The following RBFOX3 variants were observed in gnomAD, a reference collection of about 807,000 sequenced individuals.
RBFOX3 encodes RNA binding protein fox-1 homolog 3.
A neutral mutation model predicts 48.7 loss-of-function variants in RBFOX3; 17 were observed. That is an observed-to-expected ratio of 0.35 (90% CI 0.24 to 0.52). The LOEUF is 0.52. Ranked by LOEUF, RBFOX3 falls within the 20% of genes least tolerant of loss-of-function variation. The pLI is 0.94. For synonymous variants in RBFOX3, 212 were observed against 209.5 expected, an observed-to-expected ratio of 1.01 and a Z score of -0.10; for missense variants, 382 against 497.5, an observed-to-expected ratio of 0.77 and a Z score of 2.21.
chr17:79,133,686 C>T (rs1460723763), intron 4 of RBFOX3, among the ~76,000 whole-genome samples: 1 of 152,162 alleles, frequency 6.6e-6, no homozygotes, highest in Admixed American at 6.5e-5. Flanking sequence ...GGTGAGTACA[C>T]GCAGCATCCG....
chr17:79,200,457 C>G (rs1475982284), intron 4 of RBFOX3, among the ~76,000 whole-genome samples: 1 of 152,242 alleles, frequency 6.6e-6, no homozygotes, highest in African/African-American at 2.4e-5. Flanking sequence ...ACCAGCCCCA[C>G]AGACAGAGTC....
intron 3 of RBFOX3, among the ~76,000 whole-genome samples, chr17:79,236,281 A>G (rs549053471): frequency 1.4e-4 from 21 of 152,126 alleles, no homozygotes; most frequent in African/African-American, 4.8e-4. Context: ...TGGTCATGGC[A>G]TGCACATTCA....
rs568413975 is a variant in RBFOX3 at position 79,179,514 on chromosome 17, A to T, written c.-34+56252T>A. On this transcript the variant is annotated intron_variant, in intron 4 of 14. Transcript: ENST00000693108. The stretch of plus-strand genomic sequence containing the variant: ...GAAGACCCTGGGTCCTCTCAGGGCC[A>T]GTCCCTCTCCCCCGGCCAGCCCCCT... Among the ~76,000 whole-genome samples the T allele has an allele frequency of 1.9e-4, 29 of 152,200 alleles. 1 individual carries two copies. In the South Asian group the frequency reaches 5.8e-3, roughly 31 times the overall value.
rs35351556 is a variant in RBFOX3 at position 79,399,480 on chromosome 17, GT to G, written c.-175+82973del. On this transcript the variant is annotated intron_variant, in intron 2 of 14. Coordinates refer to ENST00000693108, the MANE Select transcript of RBFOX3 (RefSeq NM_001350451.2). ...AGGTTCCATGTGGAGGGCAGGGATG[GT>G]TTTTTTTTGCCATCTTTTCAAGACA... is the stretch of plus-strand genomic sequence containing the variant. 4.6e-5 allele frequency among the ~76,000 whole-genome samples: 7 copies of G among 151,098 alleles called. No homozygotes were observed. In the South Asian group the frequency reaches 6.3e-4, roughly 14 times the overall value.
rs965362861 is a variant in RBFOX3 at position 79,577,325 on chromosome 17, C to T, written c.-320+33501G>A. ...CACTGAGGGAGTCAGGCACCATGAA[C>T]GGGGCAAATGGCACCCTCCATGGGG... is the stretch of plus-strand genomic sequence containing the variant. On this transcript the variant is annotated intron_variant, in intron 1 of 14. Coordinates refer to ENST00000693108, the MANE Select transcript of RBFOX3 (RefSeq NM_001350451.2). Among the ~76,000 whole-genome samples, 32 of 152,226 alleles carry T rather than the reference C, an allele frequency of 2.1e-4. No individual in the cohort carries two copies. The South Asian group carries it at 3.3e-3, about 16-fold the overall frequency.
intron 1 of RBFOX3, among the ~76,000 whole-genome samples, chr17:79,498,093 G>A (rs1400594578): frequency 6.6e-6 from 1 of 152,204 alleles, no homozygotes; most frequent in Non-Finnish European, 1.5e-5. Flanking sequence ...TCTGACCACC[G>A]CTTGCCCTGC....
chr17:79,120,365 G>A (rs1049156531), intron 4 of RBFOX3, among the ~76,000 whole-genome samples: 1 of 152,104 alleles, frequency 6.6e-6, no homozygotes, highest in African/African-American at 2.4e-5. Context: ...GTGGGTGGAT[G>A]GAAGGATAAA....
intron 4 of RBFOX3, among the ~76,000 whole-genome samples, chr17:79,128,108 C>T (rs1257388535): frequency 1.3e-5 from 2 of 152,236 alleles, no homozygotes; most frequent in Non-Finnish European, 2.9e-5. Flanking sequence ...AGACTCCTGG[C>T]GGAAGCCCTC....
chr17:79,200,162 C>CAAAAA (rs3046721), intron 4 of RBFOX3, among the ~76,000 whole-genome samples: 39,370 of 110,362 alleles, frequency 0.36, 8,047 homozygotes, highest in Non-Finnish European at 0.49. Flanking sequence ...GACTCCGTCT[C>CAAAAA]AAAAAAAAAA....
In RBFOX3 at chr17:79,473,881, G is replaced by C. The variant is rs1471059713; in HGVS notation, c.-175+8573C>G. On this transcript the variant is annotated intron_variant, in intron 2 of 14. Coordinates refer to ENST00000693108, the MANE Select transcript of RBFOX3 (RefSeq NM_001350451.2). The surrounding 1 kb of genome is among the most constrained non-coding windows in gnomAD (Gnocchi z 4.2). ...GCAGAACTAAAGTTAGGCTTGCCTTGACCTCTACTTCTAAATTAATTTTCC... is the reference window on the plus strand; with the variant it reads ...GCAGAACTAAAGTTAGGCTTGCCTTCACCTCTACTTCTAAATTAATTTTCC... Among the ~76,000 whole-genome samples, 2 of 152,016 alleles carry C rather than the reference G, an allele frequency of 1.3e-5. No homozygotes were observed. Among genetic ancestry groups the C allele is most frequent in the Non-Finnish European group, 2.9e-5 (2 of 68,010 alleles).
chr17:79,415,326 T>A (rs1831135794), intron 2 of RBFOX3, among the ~76,000 whole-genome samples: 1 of 152,168 alleles, frequency 6.6e-6, no homozygotes, highest in East Asian at 1.9e-4. Context: ...GATCCCCACA[T>A]GAAGTGTGGG....
At chr17:79,135,010 T>TGGGA (rs1367927522) in intron 4 of RBFOX3, 2 of 152,260 alleles carry the variant, frequency 1.3e-5, no homozygotes, top group East Asian at 3.9e-4. Context: ...TCACAGTGAG[T>TGGGA]GGGACCCCAT....
In RBFOX3 at chr17:79,562,366, T is replaced by G. The variant is rs913041396; in HGVS notation, c.-320+48460A>C. ...CTCTCTTGAGTACTTGAGCCTTGTC[T>G]TTTTTTCTTCCTCTCCCCTTGAAAA... On this transcript the variant is annotated intron_variant, in intron 1 of 14. Transcript: ENST00000693108. Among the ~76,000 whole-genome samples the G allele has an allele frequency of 1.1e-4, 17 of 152,250 alleles. No homozygotes were observed. The South Asian group carries it at 3.1e-3, about 28-fold the overall frequency.
the RBFOX3 span, among the ~76,000 whole-genome samples, chr17:79,625,322 TG>T: frequency 6.6e-6 from 1 of 152,192 alleles, no homozygotes. Context: ...GATGCGGCCA[TG>T]CCCTTGCCTG....
intron 2 of RBFOX3, among the ~76,000 whole-genome samples, chr17:79,381,311 T>C (rs1378003613): frequency 1.3e-5 from 2 of 152,184 alleles, no homozygotes; most frequent in Non-Finnish European, 1.5e-5. Flanking sequence ...TTAATTTTTT[T>C]CACTTAACCT....
chr17:79,651,123 G>A, the RBFOX3 span, among the ~76,000 whole-genome samples: 26 of 152,328 alleles, frequency 1.7e-4, no homozygotes, highest in Admixed American at 4.6e-4. Flanking sequence ...CCAAGTCGCC[G>A]GTTTGGTGAT....
rs867977573 is a variant in RBFOX3 at position 79,392,658 on chromosome 17, C to T, written c.-174-84834G>A. 2.6e-5 allele frequency among the ~76,000 whole-genome samples: 4 copies of T among 152,170 alleles called. No individual in the cohort carries two copies. The highest frequency in any genetic ancestry group is 3.2e-3 in the Middle Eastern group (1 of 316). On this transcript the variant is annotated intron_variant, in intron 2 of 14. Transcript: ENST00000693108. The surrounding 1 kb of genome is among the most constrained non-coding windows in gnomAD (Gnocchi z 5.0). ...CCAACAGTGTGTGCAGTACCACACC[C>T]TCTCTTCCCGATATCTGGCAAGCAT...
rs985535972 is a variant in RBFOX3 at position 79,229,907 on chromosome 17, C to T, written c.-34+5859G>A. ...CTGCCTTTTGAACAGGCCTGTTGTA[C>T]GGATGACATGGGACGGCAGGTTTCA... On this transcript the variant is annotated intron_variant, in intron 4 of 14. Coordinates refer to ENST00000693108, the MANE Select transcript of RBFOX3 (RefSeq NM_001350451.2). 6.6e-5 allele frequency among the ~76,000 whole-genome samples: 10 copies of T among 152,284 alleles called. No homozygotes were observed. In the East Asian group the frequency reaches 1.2e-3, roughly 18 times the overall value.
intron 4 of RBFOX3, among the ~76,000 whole-genome samples, chr17:79,219,640 G>A (rs1280901191): frequency 6.6e-6 from 1 of 152,110 alleles, no homozygotes; most frequent in Non-Finnish European, 1.5e-5. Context: ...GGGGGAGGCT[G>A]CAGAGTGGGG....
Sources: allele counts gnomAD v4.1 joint callset (sites outside exome capture counted in the v4.1 genomes callset), GRCh38; gene constraint gnomAD v4.1.1; non-coding constraint Gnocchi (gnomAD v3.1); transcripts MANE v1.5; gene names NCBI Gene and HGNC (gene_info 2026-07-23, HGNC 2026-07-21).